PLXNA4: variants seen among roughly 807,000 people sequenced by gnomAD.
PLXNA4 encodes the protein plexin A4.
In PLXNA4, 44 loss-of-function variants were observed where a neutral mutation model predicts 191.8. That is an observed-to-expected ratio of 0.23 (90% CI 0.18 to 0.29). The LOEUF (loss-of-function observed/expected upper bound fraction) is 0.29, where lower values mean the gene tolerates loss of function less well. Among genes scored for constraint, PLXNA4 ranks in the 10% least tolerant of loss-of-function variants. PLXNA4 has a pLI of 1.00. For missense variants in PLXNA4, 1,800 were observed against 2,488.8 expected, an observed-to-expected ratio of 0.72 and a Z score of 5.89; for synonymous variants, 1,082 against 1,009.5, an observed-to-expected ratio of 1.07 and a Z score of -1.36.
Position 132,148,004 on chromosome 7 carries a change from A to C in PLXNA4, c.4765-5T>G. On this transcript the variant is annotated splice_region_variant and splice_polypyrimidine_tract_variant and intron_variant, in intron 26 of 31. Transcript: ENST00000321063. ...CACCACGGAACCATCTGGCACCTAC[A>C]GGGAAAAAGCTTCTCAGGGCCTAGG... is the stretch of plus-strand genomic sequence containing the variant. The C allele has an allele frequency of 6.2e-7, 1 of 1,614,140 alleles. No individual in the cohort carries two copies. Among genetic ancestry groups the C allele is most frequent in the Non-Finnish European group, 8.5e-7 (1 of 1,180,030 alleles).
intron 3 of PLXNA4, among the ~76,000 whole-genome samples, chr7:132,443,056 C>T (rs756570606): frequency 6.6e-6 from 1 of 152,180 alleles, no homozygotes; most frequent in Non-Finnish European, 1.5e-5. Flanking sequence ...ACCAACCAAC[C>T]GAAGCCTGAG....
chr7:132,409,269 C>T (rs1019915672), intron 3 of PLXNA4, among the ~76,000 whole-genome samples: 1 of 152,140 alleles, frequency 6.6e-6, no homozygotes, highest in Non-Finnish European at 1.5e-5. Context: ...GCTGACCTTC[C>T]AGGGTACTGC....
At chr7:132,257,441 T>G (rs934003618) in intron 4 of PLXNA4, among the ~76,000 whole-genome samples, 2 of 152,206 alleles carry the variant, frequency 1.3e-5, no homozygotes, top group Non-Finnish European at 2.9e-5. Context: ...AGTGTGGTGG[T>G]GCAATGTCAC....
At chr7:132,607,279 C>T (rs1185054743) in intron 2 of PLXNA4, among the ~76,000 whole-genome samples, 1 of 152,170 alleles carries the variant, frequency 6.6e-6, no homozygotes, top group African/African-American at 2.4e-5. Context: ...GCCAATATGG[C>T]TCAAGTTGTC....
chr7:132,331,974 A>G (rs17166360), intron 3 of PLXNA4, among the ~76,000 whole-genome samples: 14,363 of 152,288 alleles, frequency 0.094, 874 homozygotes, highest in Admixed American at 0.2. Flanking sequence ...ACAACCTTGG[A>G]CAAGGCACTG....
At chr7:132,278,749 C>T (rs1009473494) in intron 4 of PLXNA4, among the ~76,000 whole-genome samples, 4 of 152,308 alleles carry the variant, frequency 2.6e-5, no homozygotes, top group East Asian at 1.9e-4. Flanking sequence ...TTTTCCCCTT[C>T]GGTGCACACA....
In PLXNA4 at chr7:132,576,360, T is replaced by G; in HGVS notation, c.-87+62A>C. The G allele has an allele frequency of 1.0e-6, 1 of 983,938 alleles. No homozygotes were observed. Among genetic ancestry groups the G allele is most frequent in the Non-Finnish European group, 1.2e-6 (1 of 828,552 alleles). The allele number at this position is 983,938 out of a possible 1,614,324, so 61.0% of individuals were successfully genotyped here. On this transcript the variant is annotated intron_variant, in intron 1 of 31. Coordinates refer to ENST00000321063, the MANE Select transcript of PLXNA4 (RefSeq NM_020911.2). This position sits in a 1 kb window ranked among gnomAD's most constrained non-coding sequence, Gnocchi z 5.8. ...GAGGACTCCCGGGTCGGCCCAGGTC[T>G]GTCCGACCTTGCTGCCCTCGCCGCC... is the stretch of plus-strand genomic sequence containing the variant.
chr7:132,523,194 A>G (rs1328914629), intron 1 of PLXNA4, among the ~76,000 whole-genome samples: 1 of 152,226 alleles, frequency 6.6e-6, no homozygotes, highest in East Asian at 1.9e-4. Context: ...AGGATACACA[A>G]TAAACAAGAA....
chr7:132,373,641 C>T (rs899582587), intron 3 of PLXNA4, among the ~76,000 whole-genome samples: 3 of 152,184 alleles, frequency 2.0e-5, no homozygotes, highest in African/African-American at 7.2e-5. Flanking sequence ...ACACTTGAAA[C>T]CCCTGGGCCT....
At position 132,175,144 on chromosome 7, in the gene PLXNA4, C is replaced by A. The variant is rs115461668; in HGVS notation, c.3875-224G>T. 3.3e-3 allele frequency among the ~76,000 whole-genome samples: 506 copies of A among 152,270 alleles called. 2 individuals carry two copies. The highest frequency in any genetic ancestry group is 0.012 in the African/African-American group (494 of 41,560). On this transcript the variant is annotated intron_variant, in intron 20 of 31. Coordinates refer to ENST00000321063, the MANE Select transcript of PLXNA4 (RefSeq NM_020911.2). The stretch of plus-strand genomic sequence containing the variant: ...TAGTGCAAGAAACCTTGTCTTGGGG[C>A]TAAAACCTTTCCAAAGTGTGATGAT...
chr7:132,606,041 G>A (rs1389450673), intron 2 of PLXNA4, among the ~76,000 whole-genome samples: 1 of 152,202 alleles, frequency 6.6e-6, no homozygotes, highest in Admixed American at 6.5e-5. Context: ...GCACACGCCT[G>A]TAACCTCAGC....
chr7:132,525,986 C>T (rs1799385564), intron 1 of PLXNA4, among the ~76,000 whole-genome samples: 1 of 152,206 alleles, frequency 6.6e-6, no homozygotes, highest in Non-Finnish European at 1.5e-5. Context: ...CCTCTGGGAA[C>T]ACTGTTCCAT....
At chr7:132,222,990 G>A (rs528756918) in intron 9 of PLXNA4, among the ~76,000 whole-genome samples, 3 of 152,174 alleles carry the variant, frequency 2.0e-5, no homozygotes, top group Non-Finnish European at 2.9e-5. Flanking sequence ...AGAAGACTTC[G>A]TGTTTCTAGC....
chr7:132,534,116 G>A (rs781526002), intron 1 of PLXNA4, among the ~76,000 whole-genome samples: 3 of 152,096 alleles, frequency 2.0e-5, no homozygotes, highest in Admixed American at 6.5e-5. Context: ...AGAAGAAGCC[G>A]CAGCTTGAGT....
intron 2 of PLXNA4, among the ~76,000 whole-genome samples, chr7:132,608,229 C>T (rs1436127151): frequency 6.6e-6 from 1 of 152,238 alleles, no homozygotes; most frequent in African/African-American, 2.4e-5. Flanking sequence ...TCACCATCAC[C>T]ATCATCCTCA....
intron 4 of PLXNA4, among the ~76,000 whole-genome samples, chr7:132,250,422 T>C (rs984291168): frequency 3.3e-5 from 5 of 152,348 alleles, no homozygotes; most frequent in East Asian, 1.9e-4. Context: ...GTTCCAAGAA[T>C]CCCCTGGAGA....
intron 3 of PLXNA4, among the ~76,000 whole-genome samples, chr7:132,358,845 T>C (rs1468806117): frequency 6.6e-6 from 1 of 152,098 alleles, no homozygotes; most frequent in Non-Finnish European, 1.5e-5. Flanking sequence ...AGCAGGGTGA[T>C]TGAGACTTGA....
intron 30 of PLXNA4, among the ~76,000 whole-genome samples, chr7:132,134,674 A>G (rs1445731179): frequency 2.0e-5 from 3 of 152,228 alleles, no homozygotes; most frequent in African/African-American, 7.2e-5. Flanking sequence ...TTGGCTGGGC[A>G]GGAGCCTGAG....
At chr7:132,441,755 T>C (rs1315481973) in intron 3 of PLXNA4, among the ~76,000 whole-genome samples, 3 of 152,216 alleles carry the variant, frequency 2.0e-5, no homozygotes, top group Admixed American at 2.0e-4. Flanking sequence ...AGTCAAATAA[T>C]AATCCTATTC....
Sources: gnomAD v4.1 joint callset for allele counts (sites outside exome capture counted in the v4.1 genomes callset) on GRCh38, gnomAD v4.1.1 for gene constraint, Gnocchi (gnomAD v3.1) non-coding constraint, MANE v1.5 for transcripts, NCBI Gene and HGNC (gene_info 2026-07-23, HGNC 2026-07-21) for gene names.